The following ADGRB3 variants were observed in gnomAD, a reference collection of about 807,000 sequenced individuals.
The protein encoded by ADGRB3 is adhesion G protein-coupled receptor B3, also known as brain-specific angiogenesis inhibitor 3.
In ADGRB3, 37 loss-of-function variants were observed where a neutral mutation model predicts 193.4. The ratio of observed to expected loss-of-function variants is 0.19; its 90% confidence interval spans 0.15 to 0.25. ADGRB3 has a LOEUF of 0.25. Ranked by LOEUF, ADGRB3 falls within the 10% of genes least tolerant of loss-of-function variation. The pLI is 1.00. For synonymous variants in ADGRB3, 690 were observed against 644.2 expected (o/e 1.07, Z -1.08); for missense variants, 1,637 against 1,852.9 (o/e 0.88, Z 2.14).
intron 17 of ADGRB3, among the ~76,000 whole-genome samples, chr6:69,172,520 T>G (rs1325562772): frequency 6.7e-6 from 1 of 150,204 alleles, no homozygotes; most frequent in East Asian, 1.9e-4. Context: ...GGCGGGTGCC[T>G]GTAGTCCCAG....
rs1383662147 is a variant in ADGRB3, at chr6:68,932,860, A to G, written c.868+2191A>G. On this transcript the variant is annotated intron_variant, in intron 4 of 31. Transcript: ENST00000370598. ...AATCATGGAGAAAAAAGCAAAGGCTATCACACTTTAATATTTAAGAATTAC... is the reference window on the plus strand; with the variant it reads ...AATCATGGAGAAAAAAGCAAAGGCTGTCACACTTTAATATTTAAGAATTAC... Among the ~76,000 whole-genome samples, 6 of 150,358 alleles carry G rather than the reference A, an allele frequency of 4.0e-5. No homozygotes were observed. In the Admixed American group the frequency reaches 4.0e-4, roughly 10 times the overall value.
chr6:68,722,087 C>G (rs887776872), intron 3 of ADGRB3, among the ~76,000 whole-genome samples: 4 of 151,576 alleles, frequency 2.6e-5, no homozygotes, highest in African/African-American at 9.7e-5. Context: ...TCATTTCCTA[C>G]TAAATCATTA....
intron 3 of ADGRB3, among the ~76,000 whole-genome samples, chr6:68,676,024 T>C (rs1769077447): frequency 6.6e-6 from 1 of 152,232 alleles, no homozygotes; most frequent in African/African-American, 2.4e-5. Flanking sequence ...CTTTGCCTCA[T>C]TTTAACATTT....
intron 3 of ADGRB3, among the ~76,000 whole-genome samples, chr6:68,695,234 T>G (rs999218050): frequency 6.6e-6 from 1 of 152,026 alleles, no homozygotes. Flanking sequence ...AGGTGAGGCT[T>G]TTAAAAAATG....
intron 17 of ADGRB3, among the ~76,000 whole-genome samples, chr6:69,149,973 TG>T (rs1774626403): frequency 7.1e-6 from 1 of 141,792 alleles, no homozygotes; most frequent in African/African-American, 2.7e-5. Flanking sequence ...TGTGTGTGTG[TG>T]TTGAGATCCC....
At position 69,153,865 on chromosome 6, in the gene ADGRB3, T is replaced by C. The variant is rs1220440744; in HGVS notation, c.2480+77827T>C. Among the ~76,000 whole-genome samples, 11 of 152,122 alleles carry C rather than the reference T, an allele frequency of 7.2e-5. No individual in the cohort carries two copies. The East Asian group carries it at 1.7e-3, about 24-fold the overall frequency. ...AAAATTAGCCAGGCATGGTGGCATG[T>C]GCCTGTAGTCCCAGCTACTCGGGAG... On this transcript the variant is annotated intron_variant, in intron 17 of 31. Coordinates refer to ENST00000370598, the MANE Select transcript of ADGRB3 (RefSeq NM_001704.3).
At chr6:68,637,740 G>A (rs1216948701) in intron 2 of ADGRB3, among the ~76,000 whole-genome samples, 178 bp downstream of exon 2, 1 of 151,584 alleles carries the variant, frequency 6.6e-6, no homozygotes, top group African/African-American at 2.4e-5. Flanking sequence ...TTAAATTACA[G>A]TTGATAAGAT....
At chr6:68,972,513 A>G (rs72906768) in intron 8 of ADGRB3, among the ~76,000 whole-genome samples, 1 of 152,164 alleles carries the variant, frequency 6.6e-6, no homozygotes, top group Admixed American at 6.5e-5. Flanking sequence ...AATATGTAAT[A>G]AAGTTTGGAA....
At chr6:68,912,937 G>A (rs574705557) in intron 3 of ADGRB3, among the ~76,000 whole-genome samples, 4 of 152,214 alleles carry the variant, frequency 2.6e-5, no homozygotes, top group Admixed American at 6.5e-5. Flanking sequence ...AGGGTCCTAC[G>A]CCCATGGAAT....
At chr6:69,323,565 A>G (rs1768508150) in intron 20 of ADGRB3, among the ~76,000 whole-genome samples, 1 of 151,976 alleles carries the variant, frequency 6.6e-6, no homozygotes, top group Non-Finnish European at 1.5e-5. Flanking sequence ...TACTACATGA[A>G]ACAAAGATTC....
intron 22 of ADGRB3, among the ~76,000 whole-genome samples, chr6:69,328,802 G>A (rs1243090049): frequency 6.6e-6 from 1 of 152,064 alleles, no homozygotes; most frequent in African/African-American, 2.4e-5. Context: ...AGCATAGATG[G>A]CACAGTACTG....
chr6:69,207,893 T>G (rs1054329233), intron 17 of ADGRB3, among the ~76,000 whole-genome samples: 2 of 152,232 alleles, frequency 1.3e-5, no homozygotes, highest in African/African-American at 4.8e-5. Flanking sequence ...GCAGAAGCAC[T>G]GCATGGAGAA....
At chr6:68,802,152 T>C (rs1182763897) in intron 3 of ADGRB3, among the ~76,000 whole-genome samples, 2 of 152,120 alleles carry the variant, frequency 1.3e-5, no homozygotes, top group Non-Finnish European at 2.9e-5. Context: ...GCTATTTCCT[T>C]TTCCAATAGA....
chr6:68,868,910 G>GTGTGTGTGT lies in ADGRB3; in HGVS notation c.758-61649_758-61648insTGTGTGTGT, dbSNP rs372367034. Among the ~76,000 whole-genome samples, 231 of 106,516 alleles carry GTGTGTGTGT rather than the reference G, an allele frequency of 2.2e-3. 3 individuals carry two copies. The East Asian group carries it at 0.073, about 34-fold the overall frequency. 69.9% of individuals were successfully genotyped at this position (106,516 alleles called of 152,430 possible). A position where few individuals can be genotyped will look rare whatever the true frequency, so the allele number is the denominator to read the frequency against. ...TCTGGAAATAGGACTTCCAGATAAT[G>GTGTGTGTGT]ATGTGTGTGTGTGTGTGTGTGTGTG... On this transcript the variant is annotated intron_variant, in intron 3 of 31. Transcript: ENST00000370598.
rs114721141 is a variant in ADGRB3, at chr6:68,770,323, C to T, written c.757+130891C>T. On this transcript the variant is annotated intron_variant, in intron 3 of 31. Transcript: ENST00000370598. ...ATATAAGGTTGGGAATATGCAGACC[C>T]TCTTCTCGTCACTTTGCACATTATT... is the stretch of plus-strand genomic sequence containing the variant. Among the ~76,000 whole-genome samples, 454 of 152,190 alleles carry T rather than the reference C, an allele frequency of 3.0e-3. 4 individuals are homozygous for T. The highest frequency in any genetic ancestry group is 8.1e-3 in the African/African-American group (336 of 41,512).
intron 3 of ADGRB3, among the ~76,000 whole-genome samples, chr6:68,802,853 T>C (rs760043695): frequency 2.0e-5 from 3 of 152,166 alleles, no homozygotes; most frequent in African/African-American, 7.2e-5. Context: ...TTGTAAACAT[T>C]CCAATTAATT....
chr6:68,980,510 A>C (rs1582368279), intron 10 of ADGRB3, among the ~76,000 whole-genome samples: 1 of 151,678 alleles, frequency 6.6e-6, no homozygotes, highest in East Asian at 1.9e-4. Flanking sequence ...TGATTGCACA[A>C]ATGCTCAGCA....
chr6:69,098,117 A>ATTTT (rs1772937013), intron 17 of ADGRB3, among the ~76,000 whole-genome samples: 2 of 152,296 alleles, frequency 1.3e-5, no homozygotes, highest in South Asian at 4.1e-4. Context: ...CAATTAAAAT[A>ATTTT]GTGCAGCTTA....
intron 17 of ADGRB3, among the ~76,000 whole-genome samples, chr6:69,080,459 T>C (rs1772354900): frequency 6.6e-6 from 1 of 151,936 alleles, no homozygotes; most frequent in South Asian, 2.1e-4. Flanking sequence ...AAAATAATCT[T>C]CTTATAAGTA....
Sources: allele counts gnomAD v4.1 joint callset (sites outside exome capture counted in the v4.1 genomes callset), GRCh38; gene constraint gnomAD v4.1.1; transcripts MANE v1.5; gene names NCBI Gene and HGNC (gene_info 2026-07-23, HGNC 2026-07-21).